The following MYBPC2 variants were observed in gnomAD, a reference collection of about 807,000 sequenced individuals.
The protein encoded by MYBPC2 is myosin-binding protein C, fast-type.
A neutral mutation model predicts 137.0 loss-of-function variants in MYBPC2; 122 were observed. The observed-to-expected ratio is 0.89, with a 90% confidence interval of 0.77 to 1.03. The LOEUF is 1.03. Among genes scored for constraint, MYBPC2 ranks in the 50% least tolerant of loss-of-function variants. The pLI is 0.00. For missense variants in MYBPC2, 1,500 were observed against 1,534.4 expected (o/e 0.98, Z 0.37); for synonymous variants, 626 against 612.3 (o/e 1.02, Z -0.33).
chr19:50,464,628 A>G, intron 27 of MYBPC2, 96 bp downstream of exon 27: 1 of 1,312,750 alleles, frequency 7.6e-7, no homozygotes, highest in Non-Finnish European at 1.0e-6. Flanking sequence ...TGAGATCTGG[A>G]GACGAGTGAG....
At chr19:50,434,210 A>G (rs1459188937) in intron 1 of MYBPC2, among the ~76,000 whole-genome samples, 2 of 151,988 alleles carry the variant, frequency 1.3e-5, no homozygotes, top group Non-Finnish European at 2.9e-5. Context: ...ATACTAAATT[A>G]GCTGGGCTTG....
Position 50,461,647 on chromosome 19 carries a change from G to A in MYBPC2, c.3037G>A (p.Gly1013Arg), listed in dbSNP as rs1233153479. The A allele has an allele frequency of 5.6e-6, 9 of 1,613,380 alleles. No homozygotes were observed. Among genetic ancestry groups the A allele is most frequent in the Non-Finnish European group, 7.6e-6 (9 of 1,179,784 alleles). Residue 1013 changes from glycine (G) to arginine (R), a missense_variant, in exon 25 of 28, where the codon GGG (glycine) becomes AGG (arginine). Transcript: ENST00000357701. ...YFRVYTENIC[G>R]LSDSPGVSKN... is the part of the protein sequence containing the mutation. ...CCGAGTTTACACCGAGAACATCTGT[G>A]GGCTCAGTGACTCACCTGGTGTCTC...
rs557970562 is a variant in MYBPC2, at chr19:50,463,497, TTCGTG to T, written c.3229-848_3229-844del. Among the ~76,000 whole-genome samples, 224 of 152,368 alleles carry T rather than the reference TTCGTG, an allele frequency of 1.5e-3. 1 individual carries two copies. The highest frequency in any genetic ancestry group is 5.2e-3 in the African/African-American group (217 of 41,586). Reference sequence around the variant, plus strand: ...TCCATTTGCTTATTTACAGCACTGTTTCGTGCTCTCATTCATTTATTCACTCCATT... The same window carrying T: ...TCCATTTGCTTATTTACAGCACTGTTCTCTCATTCATTTATTCACTCCATT... On this transcript the variant is annotated intron_variant, in intron 26 of 27. Transcript: ENST00000357701.
intron 11 of MYBPC2, among the ~76,000 whole-genome samples, chr19:50,445,123 A>T (rs2039792249): frequency 6.6e-6 from 1 of 152,154 alleles, no homozygotes; most frequent in African/African-American, 2.4e-5. Flanking sequence ...TCAGGAGGTC[A>T]GGGAAGTCTT....
rs756085622 is a variant in MYBPC2, at chr19:50,461,629, T to G, written c.3019T>G (p.Tyr1007Asp). 3.6e-5 allele frequency: 58 copies of G among 1,613,504 alleles called. No individual in the cohort carries two copies. In the Middle Eastern group the frequency reaches 6.6e-4, roughly 18 times the overall value. ...GGGCAATGAATACTATTTCCGAGTT[T>G]ACACCGAGAACATCTGTGGGCTCAG... ...IVGNEYYFRVYTENICGLSDS... is the reference protein window; with the variant it reads ...IVGNEYYFRVDTENICGLSDS... The change falls in exon 25 of 28, where the codon TAC becomes GAC. Residue 1007 changes from tyrosine to aspartate, a missense_variant. Physicochemically the swap from Tyr to Asp is radical, Grantham distance 160. Coordinates refer to ENST00000357701, the MANE Select transcript of MYBPC2 (RefSeq NM_004533.4).
intron 16 of MYBPC2, 95 bp downstream of exon 16, chr19:50,452,098 T>C (rs2039864536): frequency 1.1e-5 from 14 of 1,329,438 alleles, no homozygotes; most frequent in Non-Finnish European, 1.3e-5. Flanking sequence ...AAAATGAGGG[T>C]GATGGTTCCT....
intron 11 of MYBPC2, among the ~76,000 whole-genome samples, chr19:50,444,737 G>A (rs1328435978): frequency 1.3e-5 from 2 of 151,516 alleles, no homozygotes; most frequent in African/African-American, 2.4e-5. Context: ...AAAATTAGCC[G>A]GGCGTGTTGG....
chr19:50,445,815 C>T (rs1162357210), intron 11 of MYBPC2, 65 bp from the exon 12 acceptor site: 73 of 1,498,812 alleles, frequency 4.9e-5, no homozygotes, highest in Non-Finnish European at 6.4e-5. Context: ...CCGACTGACT[C>T]TCCAAGACCC....
At chr19:50,446,172 A>G (rs954238094) in intron 12 of MYBPC2, 120 bp downstream of exon 12, 3 of 1,206,612 alleles carry the variant, frequency 2.5e-6, no homozygotes, top group East Asian at 2.6e-5. Flanking sequence ...CACACACCCT[A>G]TGTTCAGCCC....
chr19:50,451,379 G>T (rs1437558258), intron 15 of MYBPC2, 70 bp downstream of exon 15: 2 of 1,543,802 alleles, frequency 1.3e-6, no homozygotes, highest in Non-Finnish European at 1.8e-6. Flanking sequence ...GGAGGGGAAT[G>T]GCCGAGGGAG....
intron 26 of MYBPC2, 119 bp from the exon 27 acceptor site, chr19:50,464,227 G>A: frequency 2.2e-6 from 2 of 898,490 alleles, no homozygotes; most frequent in Non-Finnish European, 3.3e-6. Context: ...ACTCGTCCAA[G>A]AACATCTGGC....
In MYBPC2 at chr19:50,437,469, C is replaced by T; in HGVS notation, c.464-4C>T. The stretch of plus-strand genomic sequence containing the variant: ...CCTTCCCTTCTCTCATCACCTCTCC[C>T]CAGCACCCCGTCAGGATGCCTCTGG... On this transcript the variant is annotated splice_region_variant and splice_polypyrimidine_tract_variant and intron_variant, in intron 5 of 27. Coordinates refer to ENST00000357701, the MANE Select transcript of MYBPC2 (RefSeq NM_004533.4). The T allele has an allele frequency of 6.2e-7, 1 of 1,610,230 alleles. No homozygotes were observed.
chr19:50,441,055 G>T lies in MYBPC2; in HGVS notation c.748G>T (p.Val250Phe). 6.3e-7 allele frequency: 1 copy of T among 1,599,696 alleles called. No homozygotes were observed. Among genetic ancestry groups the T allele is most frequent in the African/African-American group, 1.3e-5 (1 of 74,610 alleles). The change falls in exon 8 of 28, where the codon GTC (valine) becomes TTC (phenylalanine). Residue 250 changes from valine (V) to phenylalanine (F), a missense_variant. Val to Phe is a conservative substitution (Grantham distance 50). Coordinates refer to ENST00000357701, the MANE Select transcript of MYBPC2 (RefSeq NM_004533.4). ...GCTGAAGCGGCTGAAAAAGGCTAAG[G>T]TCGAGGTCAAGAAGAGTGCAGGTCA... ...GMLKRLKKAK[V>F]EVKKSAAFTK...
At chr19:50,438,085 C>T (rs1601281599) in intron 7 of MYBPC2, among the ~76,000 whole-genome samples, 1 of 152,260 alleles carries the variant, frequency 6.6e-6, no homozygotes, top group South Asian at 2.1e-4. Flanking sequence ...TCCATCCCTC[C>T]ACTTTCCACC....
intron 12 of MYBPC2, among the ~76,000 whole-genome samples, 184 bp downstream of exon 12, chr19:50,446,236 C>T (rs771468057): frequency 4.6e-5 from 7 of 152,202 alleles, no homozygotes; most frequent in Non-Finnish European, 7.3e-5. Flanking sequence ...TCCAGCCAAG[C>T]GTGGTGGCTC....
At chr19:50,438,374 C>T (rs925881974) in intron 7 of MYBPC2, among the ~76,000 whole-genome samples, 10 of 151,908 alleles carry the variant, frequency 6.6e-5, no homozygotes, top group Non-Finnish European at 1.5e-4. Context: ...CGGATGAATG[C>T]ATGGTGGAGA....
chr19:50,445,858 G>C, intron 11 of MYBPC2, 22 bp from the exon 12 acceptor site: 1 of 1,589,142 alleles, frequency 6.3e-7, no homozygotes. Flanking sequence ...CTCACATCCC[G>C]TTCTGTGTCT....
chr19:50,449,691 G>A (rs1384045132), intron 13 of MYBPC2, among the ~76,000 whole-genome samples: 2 of 152,230 alleles, frequency 1.3e-5, no homozygotes, highest in Non-Finnish European at 2.9e-5. Context: ...GGATTCAACA[G>A]GTGGCACGTG....
intron 24 of MYBPC2, 53 bp downstream of exon 24, chr19:50,460,232 G>A: frequency 1.9e-6 from 3 of 1,543,958 alleles, no homozygotes; most frequent in South Asian, 1.3e-5. Context: ...GGCAGAGCAG[G>A]TGCAGATGTC....
Sources: allele counts gnomAD v4.1 joint callset (sites outside exome capture counted in the v4.1 genomes callset), GRCh38; gene constraint gnomAD v4.1.1; transcripts MANE v1.5; gene names NCBI Gene and HGNC (gene_info 2026-07-23, HGNC 2026-07-21).